PUDP: variants seen among roughly 807,000 people sequenced by gnomAD.
The protein encoded by PUDP is pseudouridine-5'-phosphatase.
In PUDP, 8 loss-of-function variants were observed where a neutral mutation model predicts 9.4. That is an observed-to-expected ratio of 0.85 (90% CI 0.50 to 1.53). The LOEUF (loss-of-function observed/expected upper bound fraction) is 1.53. Ranked by LOEUF, PUDP falls within the 40% of genes most tolerant of loss-of-function variation. PUDP has a pLI of 0.00. For missense variants in PUDP, 188 were observed against 189.7 expected, an observed-to-expected ratio of 0.99 and a Z score of 0.05; for synonymous variants, 99 against 80.7, an observed-to-expected ratio of 1.23 and a Z score of -1.22.
intron 3 of PUDP, among the ~76,000 whole-genome samples, chrX:6,750,866 T>A (rs1387108094): frequency 9.0e-6 from 1 of 111,361 alleles, no homozygotes; most frequent in Non-Finnish European, 1.9e-5. Context: ...GCGGCCGGGC[T>A]TGGTGGCTCA....
intron 3 of PUDP, among the ~76,000 whole-genome samples, chrX:6,945,667 C>T (rs1325776817): frequency 9.1e-6 from 1 of 110,269 alleles, no homozygotes; most frequent in Non-Finnish European, 1.9e-5. Context: ...CAGGAAAGCA[C>T]CAGTATGGGG....
At chrX:6,775,504 T>TATACACACATAAACACACACACACAC (rs777420687) in intron 3 of PUDP, among the ~76,000 whole-genome samples, 3 of 100,804 alleles carry the variant, frequency 3.0e-5, no homozygotes, top group Non-Finnish European at 6.3e-5. Flanking sequence ...TACACACACA[T>TATACACACATAAACACACACACACAC]ACACACACAC....
intron 1 of PUDP, among the ~76,000 whole-genome samples, chrX:6,711,589 T>A (rs1294575707): frequency 9.0e-6 from 1 of 111,446 alleles, no homozygotes; most frequent in Non-Finnish European, 1.9e-5. Flanking sequence ...CTAGTTTTTA[T>A]GAGGCCTGGA....
At chrX:6,959,366 C>G (rs1373980853) in intron 3 of PUDP, among the ~76,000 whole-genome samples, 1 of 111,854 alleles carries the variant, frequency 8.9e-6, no homozygotes, top group African/African-American at 3.2e-5. Flanking sequence ...TGCAGTGCTC[C>G]TCAGGTGCCC....
At chrX:7,116,423 G>A (rs1419150333) in intron 1 of PUDP, among the ~76,000 whole-genome samples, 2 of 111,546 alleles carry the variant, frequency 1.8e-5, no homozygotes, top group African/African-American at 3.3e-5. Context: ...CTCCTACCCT[G>A]GCCTGCCTCC....
intron 3 of PUDP, among the ~76,000 whole-genome samples, chrX:6,805,591 C>A (rs72609551): frequency 0.14 from 15,717 of 110,033 alleles, 933 homozygotes; most frequent in East Asian, 0.28. Flanking sequence ...GTGATCATGG[C>A]TCACTGCAGC....
At chrX:6,824,832 AT>A (rs1018892889) in intron 3 of PUDP, among the ~76,000 whole-genome samples, 7 of 112,311 alleles carry the variant, frequency 6.2e-5, no homozygotes, top group African/African-American at 2.3e-4. Context: ...GAAAAATCAA[AT>A]TTAAAATGTT....
intron 3 of PUDP, among the ~76,000 whole-genome samples, chrX:6,786,125 C>A (rs1190846331): frequency 8.9e-6 from 1 of 111,855 alleles, no homozygotes; most frequent in African/African-American, 3.3e-5. Context: ...CTTGTGGACT[C>A]ATTTATAGTC....
intron 2 of PUDP, among the ~76,000 whole-genome samples, chrX:7,102,585 A>G (rs1173593312): frequency 3.6e-5 from 4 of 110,917 alleles, no homozygotes; most frequent in Non-Finnish European, 5.7e-5. Flanking sequence ...CAGCCAGGCA[A>G]TTAGGCAAGA....
At chrX:7,065,147 GC>G (rs1267089374) in intron 3 of PUDP, among the ~76,000 whole-genome samples, 2 of 110,991 alleles carry the variant, frequency 1.8e-5, no homozygotes, top group Non-Finnish European at 3.8e-5. Context: ...CAGCCCCCCT[GC>G]CCCCAAACCA....
Position 7,103,182 on chromosome X carries a change from A to G in PUDP, c.280+2438T>C, listed in dbSNP as rs968148909. On this transcript the variant is annotated intron_variant, in intron 2 of 3. Coordinates refer to ENST00000381077, the MANE Select transcript of PUDP (RefSeq NM_012080.5). Reference sequence around the variant, plus strand: ...TGATTTCCAAACATATTACAAAGCTACATTCATCAAAACAGTGCAGTACTG... The same window carrying G: ...TGATTTCCAAACATATTACAAAGCTGCATTCATCAAAACAGTGCAGTACTG... 2.7e-5 allele frequency among the ~76,000 whole-genome samples: 3 copies of G among 112,159 alleles called. No individual in the cohort carries two copies. The South Asian group carries it at 1.1e-3, about 41-fold the overall frequency.
At chrX:6,839,763 G>A (rs764001027) in intron 3 of PUDP, among the ~76,000 whole-genome samples, 1 of 111,248 alleles carries the variant, frequency 9.0e-6, no homozygotes, top group Non-Finnish European at 1.9e-5. Flanking sequence ...TTCATTGGTG[G>A]AAGGAATGCA....
At chrX:6,864,740 A>G (rs1170938196) in intron 3 of PUDP, among the ~76,000 whole-genome samples, 10 of 111,747 alleles carry the variant, frequency 8.9e-5, no homozygotes, top group Non-Finnish European at 5.6e-5. Context: ...TCCATCTTTG[A>G]AGCCAGCAAA....
intron 3 of PUDP, among the ~76,000 whole-genome samples, chrX:6,791,289 A>G (rs1925743346): frequency 1.0e-5 from 1 of 97,082 alleles, no homozygotes; most frequent in Admixed American, 1.2e-4. Context: ...AGGGAGGTTG[A>G]GTCTAGGTAA....
At chrX:6,996,884 G>C (rs1929260471) in intron 1 of PUDP, among the ~76,000 whole-genome samples, 2 of 108,740 alleles carry the variant, frequency 1.8e-5, no homozygotes, top group Non-Finnish European at 3.8e-5. Flanking sequence ...GGCCAGGCTG[G>C]TCTTGAACTC....
intron 3 of PUDP, among the ~76,000 whole-genome samples, chrX:6,928,999 T>C (rs2064033075): frequency 8.9e-6 from 1 of 112,035 alleles, no homozygotes; most frequent in Non-Finnish European, 1.9e-5. Context: ...TTGCAAAGCA[T>C]GGTCCTAGAA....
At chrX:7,135,494 C>G (rs1177276335) in intron 1 of PUDP, among the ~76,000 whole-genome samples, 1 of 112,048 alleles carries the variant, frequency 8.9e-6, no homozygotes, top group Non-Finnish European at 1.9e-5. Context: ...AAAATGAGCA[C>G]TAGGAAATGG....
intron 1 of PUDP, among the ~76,000 whole-genome samples, chrX:7,117,949 C>T (rs1932241818): frequency 1.8e-5 from 2 of 113,237 alleles, no homozygotes; most frequent in African/African-American, 6.4e-5. Flanking sequence ...TCTGTAGGCA[C>T]ACAAGCCACA....
chrX:6,791,176 T>C (rs759397361), intron 3 of PUDP, among the ~76,000 whole-genome samples: 2 of 109,493 alleles, frequency 1.8e-5, no homozygotes, highest in African/African-American at 6.6e-5. Context: ...GGCAACATGG[T>C]GAGACCCTGT....
Sources: gnomAD v4.1 joint callset for allele counts (sites outside exome capture counted in the v4.1 genomes callset) on GRCh38, gnomAD v4.1.1 for gene constraint, MANE v1.5 for transcripts, NCBI Gene and HGNC (gene_info 2026-07-23, HGNC 2026-07-21) for gene names.